The following TMEM255B variants were observed in gnomAD, a reference collection of about 807,000 sequenced individuals.
The protein encoded by TMEM255B is family with sequence similarity 70, member B.
TMEM255B carries 35 observed loss-of-function variants against 34.5 expected under a neutral mutation model. The observed-to-expected ratio is 1.01, with a 90% CI of 0.77 to 1.34. The LOEUF is 1.34. Ranked by LOEUF, TMEM255B falls within the 40% of genes most tolerant of loss-of-function variation. The pLI is 0.00. For missense variants in TMEM255B, 432 were observed against 433.2 expected, an observed-to-expected ratio of 1.00 and a Z score of 0.02; for synonymous variants, 206 against 201.2, an observed-to-expected ratio of 1.02 and a Z score of -0.20.
intron 5 of TMEM255B, among the ~76,000 whole-genome samples, chr13:113,800,575 A>C (rs2051035237): frequency 1.3e-5 from 2 of 152,044 alleles, no homozygotes; most frequent in Admixed American, 6.5e-5. Flanking sequence ...ATGGAGAAGC[A>C]AGGCCTCTCC....
Position 113,811,542 on chromosome 13 carries a change from G to A in TMEM255B, c.814-194G>A, listed in dbSNP as rs374343275. On this transcript the variant is annotated intron_variant, in intron 8 of 8. Coordinates refer to ENST00000375353, the MANE Select transcript of TMEM255B (RefSeq NM_182614.4). ...GGGGGGCCCTGTGTGAGTGGCCCTA[G>A]GTCTGAGGGGGCCTGTGTGAATAGC... is the stretch of plus-strand genomic sequence containing the variant. Among the ~76,000 whole-genome samples, 25 of 136,318 alleles carry A rather than the reference G, an allele frequency of 1.8e-4. No homozygotes were observed. In the East Asian group the frequency reaches 5.0e-3, roughly 27 times the overall value. 89.4% of individuals were successfully genotyped at this position (136,318 alleles called of 152,430 possible). A position where few individuals can be genotyped will look rare whatever the true frequency, so the allele number is the denominator to read the frequency against.
chr13:113,763,596 A>G (rs2050342233), intron 1 of TMEM255B, among the ~76,000 whole-genome samples: 1 of 152,268 alleles, frequency 6.6e-6, no homozygotes, highest in Non-Finnish European at 1.5e-5. Flanking sequence ...AAAATGTTTT[A>G]AAAAGTACAT....
At chr13:113,778,876 C>A (rs1295993359) in intron 3 of TMEM255B, among the ~76,000 whole-genome samples, 2 of 152,230 alleles carry the variant, frequency 1.3e-5, no homozygotes, top group Non-Finnish European at 2.9e-5. Flanking sequence ...ATGCTCACTC[C>A]TGGCCACTGG....
intron 3 of TMEM255B, among the ~76,000 whole-genome samples, chr13:113,780,512 T>C (rs1233212185): frequency 1.3e-5 from 2 of 152,230 alleles, no homozygotes; most frequent in African/African-American, 4.8e-5. Context: ...GACGTTTCCT[T>C]GACTCTGAAA....
chr13:113,785,301 C>T (rs553003226), intron 3 of TMEM255B, among the ~76,000 whole-genome samples: 120 of 152,332 alleles, frequency 7.9e-4, no homozygotes, highest in Non-Finnish European at 1.4e-3. Flanking sequence ...CTGCCCTGCA[C>T]GCAGGCACTG....
At chr13:113,809,945 G>A (rs2051268668) in intron 8 of TMEM255B, among the ~76,000 whole-genome samples, 1 of 152,106 alleles carries the variant, frequency 6.6e-6, no homozygotes, top group South Asian at 2.1e-4. Context: ...AAGAAATGAG[G>A]TTGGCAGGTG....
At chr13:113,800,385 G>C (rs987387554) in intron 5 of TMEM255B, among the ~76,000 whole-genome samples, 2 of 151,278 alleles carry the variant, frequency 1.3e-5, no homozygotes, top group Non-Finnish European at 1.5e-5. Flanking sequence ...TTGTCACACA[G>C]AGGTGGCAGG....
At chr13:113,800,271 CCTG>C (rs1426786147) in intron 5 of TMEM255B, among the ~76,000 whole-genome samples, 1 of 108,670 alleles carries the variant, frequency 9.2e-6, no homozygotes, top group African/African-American at 3.8e-5. Context: ...GTGGAGGTGT[CCTG>C]TGTGTGTGTG....
At chr13:113,766,587 A>C in intron 2 of TMEM255B, 1 of 403,158 alleles carries the variant, frequency 2.5e-6, no homozygotes, top group South Asian at 2.2e-5. Context: ...CGGCAACAGG[A>C]AATGTCCAAG....
At chr13:113,763,506 A>C (rs953228567) in intron 1 of TMEM255B, among the ~76,000 whole-genome samples, 2 of 152,182 alleles carry the variant, frequency 1.3e-5, no homozygotes, top group African/African-American at 4.8e-5. Context: ...CCGTGAACAT[A>C]TAACCTTTCA....
chr13:113,771,973 C>T (rs890777659), intron 3 of TMEM255B, among the ~76,000 whole-genome samples: 1 of 152,184 alleles, frequency 6.6e-6, no homozygotes, highest in Non-Finnish European at 1.5e-5. Context: ...CACAGACAGG[C>T]ATGAGGGCTC....
At chr13:113,791,449 A>G (rs889182997) in intron 3 of TMEM255B, among the ~76,000 whole-genome samples, 1 of 152,172 alleles carries the variant, frequency 6.6e-6, no homozygotes, top group Admixed American at 6.5e-5. Context: ...GGCAGCCCCA[A>G]CGAATCTGGG....
At chr13:113,772,048 A>G (rs1416183865) in intron 3 of TMEM255B, among the ~76,000 whole-genome samples, 1 of 152,170 alleles carries the variant, frequency 6.6e-6, no homozygotes, top group Non-Finnish European at 1.5e-5. Flanking sequence ...CTAATGTGTG[A>G]TAAGTGGTAT....
intron 3 of TMEM255B, among the ~76,000 whole-genome samples, chr13:113,772,481 G>C (rs1208399788): frequency 1.3e-5 from 2 of 152,076 alleles, no homozygotes; most frequent in African/African-American, 4.8e-5. Context: ...TTCCATCTGG[G>C]TCTGTGATCC....
At chr13:113,764,640 A>G (rs946359854) in intron 1 of TMEM255B, among the ~76,000 whole-genome samples, 3 of 152,098 alleles carry the variant, frequency 2.0e-5, no homozygotes, top group Admixed American at 1.3e-4. Context: ...GCCTTTTCCA[A>G]TGCCTGCAGC....
Position 113,769,024 on chromosome 13 carries a change from T to G in TMEM255B, c.190-74T>G, listed in dbSNP as rs2140806143. 1.9e-6 allele frequency: 3 copies of G among 1,552,304 alleles called. No individual in the cohort carries two copies. In the East Asian group the frequency reaches 6.7e-5, roughly 35 times the overall value. On this transcript the variant is annotated intron_variant, in intron 2 of 8. Coordinates refer to ENST00000375353, the MANE Select transcript of TMEM255B (RefSeq NM_182614.4). This position sits in a 1 kb window ranked among gnomAD's most constrained non-coding sequence, Gnocchi z 4.2. ...AAAATGCCTTTGAGGGCGGGATTATTTGCTTTAAATGTCAGTGTTAAGCTT... is the reference window on the plus strand; with the variant it reads ...AAAATGCCTTTGAGGGCGGGATTATGTGCTTTAAATGTCAGTGTTAAGCTT...
intron 3 of TMEM255B, among the ~76,000 whole-genome samples, chr13:113,791,975 G>A (rs1257801118): frequency 6.6e-6 from 1 of 152,224 alleles, no homozygotes; most frequent in Non-Finnish European, 1.5e-5. Flanking sequence ...CCCACGAGAA[G>A]GGTGCACTGC....
intron 7 of TMEM255B, among the ~76,000 whole-genome samples, chr13:113,803,835 C>T (rs1388469810): frequency 2.7e-5 from 4 of 150,766 alleles, no homozygotes; most frequent in Non-Finnish European, 5.9e-5. Flanking sequence ...TCCCTCCCAG[C>T]CCCAGGGGTG....
rs2051325748 is a variant in TMEM255B, at chr13:113,812,184, C to G, written c.*281C>G. ...GCCTCCTCCTCTGAGAGCAATTGTT[C>G]TGGTGTTTTCACATCCCTTAATTAA... On this transcript the variant is annotated 3_prime_UTR_variant, in exon 9 of 9. Transcript: ENST00000375353. 1 of 492,416 alleles carries G rather than the reference C, an allele frequency of 2.0e-6. No individual in the cohort carries two copies. Among genetic ancestry groups the G allele is most frequent in the African/African-American group, 2.0e-5 (1 of 49,682 alleles). 30.5% of individuals were successfully genotyped at this position (492,416 alleles called of 1,614,324 possible). A position where few individuals can be genotyped will look rare whatever the true frequency, so the allele number is the denominator to read the frequency against.
Sources: gnomAD v4.1 joint callset for allele counts (sites outside exome capture counted in the v4.1 genomes callset) on GRCh38, gnomAD v4.1.1 for gene constraint, Gnocchi (gnomAD v3.1) non-coding constraint, MANE v1.5 for transcripts, NCBI Gene and HGNC (gene_info 2026-07-23, HGNC 2026-07-21) for gene names.